NTRK2: variants seen among roughly 807,000 people sequenced by gnomAD.
The protein encoded by NTRK2 is BDNF/NT-3 growth factors receptor.
In NTRK2, 13 loss-of-function variants were observed where a neutral mutation model predicts 94.5. The ratio of observed to expected loss-of-function variants is 0.14; its 90% CI spans 0.09 to 0.22. The LOEUF is 0.22. Ranked by LOEUF, NTRK2 falls within the 10% of genes least tolerant of loss-of-function variation. The probability of loss-of-function intolerance (pLI) is 1.00; values close to 1 mark genes in which losing one functional copy is unlikely to be tolerated. For synonymous variants in NTRK2, 372 were observed against 407.4 expected (o/e 0.91, Z 1.05); for missense variants, 639 against 1,071.2 (o/e 0.60, Z 5.63).
chr9:84,808,204 G>T (rs2071349141), intron 12 of NTRK2, among the ~76,000 whole-genome samples: 2 of 152,168 alleles, frequency 1.3e-5, no homozygotes, highest in African/African-American at 4.8e-5. Context: ...CCGTCATCTG[G>T]CAAAGTTAGC....
chr9:84,869,495 A>T (rs1278417357), intron 14 of NTRK2, among the ~76,000 whole-genome samples: 1 of 152,206 alleles, frequency 6.6e-6, no homozygotes, highest in East Asian at 1.9e-4. Context: ...CAAATAAATG[A>T]GAATGAAGAA....
chr9:84,671,115 T>G (rs1219381151), intron 2 of NTRK2, among the ~76,000 whole-genome samples, 155 bp downstream of exon 2: 2 of 152,252 alleles, frequency 1.3e-5, no homozygotes, highest in African/African-American at 4.8e-5. Flanking sequence ...ACCTGCTGTT[T>G]CACTGGCTTG....
intron 12 of NTRK2, among the ~76,000 whole-genome samples, chr9:84,794,356 G>A (rs1169863331): frequency 6.6e-6 from 1 of 152,234 alleles, no homozygotes; most frequent in African/African-American, 2.4e-5. Context: ...ATAGGTTGCA[G>A]GTTGCTCTTC....
At chr9:84,772,946 T>G (rs1450090340) in intron 12 of NTRK2, among the ~76,000 whole-genome samples, 1 of 152,154 alleles carries the variant, frequency 6.6e-6, no homozygotes, top group Admixed American at 6.6e-5. Flanking sequence ...GGTTTGGAGT[T>G]GATACTGCAG....
intron 12 of NTRK2, among the ~76,000 whole-genome samples, chr9:84,810,110 G>A (rs1212472157): frequency 6.6e-6 from 1 of 152,086 alleles, no homozygotes; most frequent in Non-Finnish European, 1.5e-5. Flanking sequence ...TATTAGGTTG[G>A]TGCAAAAGTA....
At chr9:84,668,885 A>T (rs1465633151), upstream of NTRK2, 1 of 152,244 alleles carries the variant, frequency 6.6e-6, no homozygotes, top group African/African-American at 2.4e-5. Flanking sequence ...GTCAGGTTAA[A>T]GGATGAGAGA....
At chr9:84,708,839 T>G (rs146570537) in intron 5 of NTRK2, among the ~76,000 whole-genome samples, 1 of 152,178 alleles carries the variant, frequency 6.6e-6, no homozygotes, top group African/African-American at 2.4e-5. Flanking sequence ...TGAGAATTAT[T>G]TGGAATAAAG....
At chr9:84,878,891 C>T (rs1275377173) in intron 14 of NTRK2, among the ~76,000 whole-genome samples, 1 of 152,124 alleles carries the variant, frequency 6.6e-6, no homozygotes, top group Non-Finnish European at 1.5e-5. Flanking sequence ...AGTGGATTGT[C>T]TGTCAGTCTT....
At chr9:85,012,916 C>G (rs1416745567) in intron 17 of NTRK2, among the ~76,000 whole-genome samples, 1 of 152,198 alleles carries the variant, frequency 6.6e-6, no homozygotes, top group Non-Finnish European at 1.5e-5. Flanking sequence ...TAAGGTCCAG[C>G]ACATCTTCTC....
At chr9:84,965,645 T>C (rs189947932) in intron 17 of NTRK2, among the ~76,000 whole-genome samples, 49 of 152,324 alleles carry the variant, frequency 3.2e-4, no homozygotes, top group Non-Finnish European at 5.9e-4. Context: ...AATTTTGAAC[T>C]CCACATGCCT....
intron 17 of NTRK2, among the ~76,000 whole-genome samples, chr9:84,993,361 G>A (rs915864422): frequency 6.6e-6 from 1 of 152,150 alleles, no homozygotes; most frequent in Non-Finnish European, 1.5e-5. Flanking sequence ...TCTCCCAATA[G>A]CCTCTTTCCT....
At chr9:84,901,917 C>G (rs1336217086) in intron 14 of NTRK2, among the ~76,000 whole-genome samples, 1 of 152,060 alleles carries the variant, frequency 6.6e-6, no homozygotes, top group African/African-American at 2.4e-5. Context: ...TATCATCAGG[C>G]TGGGCACGGT....
In NTRK2 at chr9:84,723,874, A is replaced by G. The variant is rs150174615; in HGVS notation, c.720+165A>G. ...CACTTTCTACTTATTCTTAATTAAT[A>G]AAGACTAATGCAGGCTTGCATTTTA... On this transcript the variant is annotated intron_variant, in intron 7 of 18. Coordinates refer to ENST00000277120, the MANE Select transcript of NTRK2 (RefSeq NM_006180.6). Among the ~76,000 whole-genome samples the G allele has an allele frequency of 1.2e-4, 19 of 152,342 alleles. No homozygotes were observed. In the East Asian group the frequency reaches 3.5e-3, roughly 28 times the overall value.
intron 14 of NTRK2, among the ~76,000 whole-genome samples, chr9:84,896,079 G>T (rs2076749820): frequency 6.6e-6 from 1 of 152,206 alleles, no homozygotes. Context: ...TGAGTTCTCT[G>T]TGAAATGAAC....
At chr9:84,668,918 G>C (rs1014358414), upstream of NTRK2, 1 of 152,156 alleles carries the variant, frequency 6.6e-6, no homozygotes, top group Non-Finnish European at 1.5e-5. Context: ...GCCACACATC[G>C]GACAGGCCAG....
At chr9:84,996,721 C>T (rs1349959363) in intron 17 of NTRK2, among the ~76,000 whole-genome samples, 2 of 152,184 alleles carry the variant, frequency 1.3e-5, no homozygotes, top group East Asian at 3.8e-4. Flanking sequence ...AGTGCCAAGT[C>T]TGCCATCTAT....
intron 15 of NTRK2, among the ~76,000 whole-genome samples, chr9:84,947,758 A>C (rs530115841): frequency 6.6e-6 from 1 of 152,344 alleles, no homozygotes; most frequent in African/African-American, 2.4e-5. Context: ...TGGCTCAGTG[A>C]TGGGCACATG....
rs2058652129 is a variant in NTRK2 at position 84,670,808 on chromosome 9, G to T, written c.60G>T (p.Trp20Cys). The part of the protein sequence containing the change: ...PAMARLWGFC[W>C]LVVGFWRAAF... ...TGGCGCGGCTCTGGGGCTTCTGCTG[G>T]CTGGTTGTGGGCTTCTGGAGGGCCG... is the stretch of plus-strand genomic sequence containing the variant. Residue 20 changes from tryptophan to cysteine, a missense_variant, in exon 2 of 19, where the codon TGG (tryptophan) becomes TGT (cysteine). By Grantham distance (215) the Trp-to-Cys change is radical. Around this residue, in one of 5 missense-constraint regions of NTRK2, gnomAD observed 206 missense variants for 251.5 expected, o/e 0.82. Transcript: ENST00000277120. The T allele has an allele frequency of 6.2e-7, 1 of 1,613,992 alleles. No individual in the cohort carries two copies. Among genetic ancestry groups the T allele is most frequent in the Non-Finnish European group, 8.5e-7 (1 of 1,180,056 alleles).
chr9:84,730,937 A>C (rs2062845776), intron 9 of NTRK2, among the ~76,000 whole-genome samples: 1 of 152,052 alleles, frequency 6.6e-6, no homozygotes, highest in Non-Finnish European at 1.5e-5. Context: ...AATATTTTTT[A>C]TAAGAAATTT....
Sources: allele counts gnomAD v4.1 joint callset (sites outside exome capture counted in the v4.1 genomes callset), GRCh38; gene constraint gnomAD v4.1.1; regional missense constraint gnomAD v4.1.1; transcripts MANE v1.5; gene names NCBI Gene and HGNC (gene_info 2026-07-23, HGNC 2026-07-21).